Variants in PPARGC1A observed in about 807,000 individuals in gnomAD.
The protein encoded by PPARGC1A is peroxisome proliferator-activated receptor gamma coactivator 1-alpha.
In PPARGC1A, 25 loss-of-function variants were observed where a neutral mutation model predicts 88.7. That is an observed-to-expected ratio of 0.28 (90% CI 0.21 to 0.39). The LOEUF (loss-of-function observed/expected upper bound fraction) is 0.39. Among genes scored for constraint, PPARGC1A ranks in the 10% least tolerant of loss-of-function variants. The pLI is 1.00. For synonymous variants in PPARGC1A, 363 were observed against 355.6 expected (o/e 1.02, Z -0.24); for missense variants, 880 against 968.7 (o/e 0.91, Z 1.22).
rs774611237 is a variant in PPARGC1A at position 23,824,471 on chromosome 4, C to A, written c.795G>T (p.Glu265Asp). Residue 265 changes from glutamate (E) to aspartate (D), a missense_variant, in exon 6 of 13, where the codon GAG becomes GAT. Coordinates refer to ENST00000264867, the MANE Select transcript of PPARGC1A (RefSeq NM_013261.5). Reference sequence around the variant, plus strand: ...CATTTCTTAATACTTACTTTGGTGACTCTGGGGTCAGAGGAAGAGATAAAG... The same window carrying A: ...CATTTCTTAATACTTACTTTGGTGAATCTGGGGTCAGAGGAAGAGATAAAG... ...PTTLSLPLTP[E>D]SPNDPKGSPF... 6.2e-6 allele frequency: 10 copies of A among 1,610,116 alleles called. No homozygotes were observed. In the South Asian group the frequency reaches 1.1e-4, roughly 18 times the overall value.
At chr4:24,046,295 C>T in the PPARGC1A span, among the ~76,000 whole-genome samples, 1 of 152,168 alleles carries the variant, frequency 6.6e-6, no homozygotes, top group Non-Finnish European at 1.5e-5. Flanking sequence ...GGTTTCCTCT[C>T]TTAGGAAATA....
chr4:24,037,058 G>A, the PPARGC1A span, among the ~76,000 whole-genome samples: 1 of 152,188 alleles, frequency 6.6e-6, no homozygotes. Flanking sequence ...CCATCCTGAA[G>A]AATGGACAAG....
upstream of PPARGC1A, among the ~76,000 whole-genome samples, chr4:23,903,474 A>G (rs1210269237): frequency 6.6e-6 from 1 of 152,204 alleles, no homozygotes; most frequent in Non-Finnish European, 1.5e-5. Flanking sequence ...TTCTACTTTT[A>G]CATAATGTTT....
At chr4:24,147,963 A>ACAAAC in the PPARGC1A span, among the ~76,000 whole-genome samples, 7 of 152,096 alleles carry the variant, frequency 4.6e-5, no homozygotes, top group African/African-American at 1.7e-4. Context: ...AAACAAACAA[A>ACAAAC]AAAAATACAG....
At chr4:23,968,389 T>C in the PPARGC1A span, among the ~76,000 whole-genome samples, 1 of 152,114 alleles carries the variant, frequency 6.6e-6, no homozygotes, top group African/African-American at 2.4e-5. Context: ...TCTAATGTCC[T>C]TCCTTCCTTC....
the PPARGC1A span, among the ~76,000 whole-genome samples, chr4:24,049,308 G>GTGTA: frequency 4.5e-4 from 63 of 139,550 alleles, 1 homozygote; most frequent in Middle Eastern, 7.5e-3. Flanking sequence ...ATATATGTGT[G>GTGTA]TATATATATA....
chr4:24,199,184 T>G, the PPARGC1A span, among the ~76,000 whole-genome samples: 1 of 152,186 alleles, frequency 6.6e-6, no homozygotes, highest in African/African-American at 2.4e-5. Flanking sequence ...CTCTGCTACA[T>G]CCCCAACACT....
the PPARGC1A span, among the ~76,000 whole-genome samples, chr4:24,056,181 G>A: frequency 2.6e-5 from 4 of 152,334 alleles, no homozygotes; most frequent in African/African-American, 9.6e-5. Flanking sequence ...AGGTGGGAAT[G>A]AAATGCGTAA....
the PPARGC1A span, among the ~76,000 whole-genome samples, chr4:24,112,308 A>G: frequency 6.6e-6 from 1 of 152,214 alleles, no homozygotes; most frequent in African/African-American, 2.4e-5. Flanking sequence ...TAGTTATTGC[A>G]GTGTGGGAAT....
chr4:24,465,263 G>T, the PPARGC1A span, among the ~76,000 whole-genome samples: 1 of 152,192 alleles, frequency 6.6e-6, no homozygotes, highest in African/African-American at 2.4e-5. Context: ...CTGCTTTGTT[G>T]AAATAACGAT....
At chr4:24,425,279 C>T in the PPARGC1A span, among the ~76,000 whole-genome samples, 2 of 152,164 alleles carry the variant, frequency 1.3e-5, no homozygotes, top group Non-Finnish European at 2.9e-5. Context: ...ACCACAAGGA[C>T]ACACATTATA....
intron 2 of PPARGC1A, among the ~76,000 whole-genome samples, chr4:23,872,299 T>TAAAG (rs1713557915): frequency 6.6e-6 from 1 of 152,156 alleles, no homozygotes; most frequent in Admixed American, 6.5e-5. Flanking sequence ...CTTCCCTTGG[T>TAAAG]TGGCTTCCTC....
the PPARGC1A span, among the ~76,000 whole-genome samples, chr4:24,123,063 C>T: frequency 6.6e-6 from 1 of 152,194 alleles, no homozygotes; most frequent in African/African-American, 2.4e-5. Flanking sequence ...GTGGTCATGC[C>T]CATGGAAGAG....
the PPARGC1A span, among the ~76,000 whole-genome samples, chr4:24,424,344 C>T: frequency 7.6e-6 from 1 of 131,956 alleles, no homozygotes; most frequent in Non-Finnish European, 1.5e-5. Flanking sequence ...GGAGCGATCT[C>T]GGCTCACTGC....
the PPARGC1A span, among the ~76,000 whole-genome samples, chr4:24,032,204 T>C: frequency 6.6e-6 from 1 of 152,226 alleles, no homozygotes; most frequent in Admixed American, 6.5e-5. Context: ...TTGCATTTTC[T>C]CATAACCTTT....
At chr4:24,193,524 G>C in the PPARGC1A span, among the ~76,000 whole-genome samples, 3 of 151,992 alleles carry the variant, frequency 2.0e-5, no homozygotes, top group Non-Finnish European at 4.4e-5. Flanking sequence ...AGCTACCCAA[G>C]GTCTCATCAG....
the PPARGC1A span, among the ~76,000 whole-genome samples, chr4:23,953,904 C>CA: frequency 6.6e-6 from 1 of 151,964 alleles, no homozygotes; most frequent in African/African-American, 2.4e-5. Flanking sequence ...CAAGTTAGAA[C>CA]AGCACATACA....
intron 10 of PPARGC1A, among the ~76,000 whole-genome samples, chr4:23,807,751 GTGTA>G (rs1720084454): frequency 6.7e-6 from 1 of 149,118 alleles, no homozygotes; most frequent in South Asian, 2.1e-4. Context: ...GTGTGTGTGT[GTGTA>G]TGTGTGTGTG....
At chr4:24,279,621 A>C in the PPARGC1A span, among the ~76,000 whole-genome samples, 1 of 152,138 alleles carries the variant, frequency 6.6e-6, no homozygotes, top group Non-Finnish European at 1.5e-5. Context: ...GTTGATTCAC[A>C]CATGGTCTTC....
Sources: gnomAD v4.1 joint callset for allele counts (sites outside exome capture counted in the v4.1 genomes callset) on GRCh38, gnomAD v4.1.1 for gene constraint, MANE v1.5 for transcripts, NCBI Gene and HGNC (gene_info 2026-07-23, HGNC 2026-07-21) for gene names.